FAM120A: variants seen among roughly 807,000 people sequenced by gnomAD.
The protein encoded by FAM120A is family with sequence similarity 120 member A, also known as constitutive coactivator of PPAR-gamma-like protein 1.
FAM120A carries 15 observed loss-of-function variants against 109.7 expected under a neutral mutation model. The ratio of observed to expected loss-of-function variants is 0.14; its 90% CI spans 0.09 to 0.21. The LOEUF (loss-of-function observed/expected upper bound fraction) is 0.21. Ranked by LOEUF, FAM120A falls within the 10% of genes least tolerant of loss-of-function variation. The pLI is 1.00. For synonymous variants in FAM120A, 493 were observed against 572.8 expected (o/e 0.86, Z 1.99); for missense variants, 899 against 1,439.3 (o/e 0.62, Z 6.07).
chr9:93,562,167 C>A, intron 16 of FAM120A, 41 bp from the exon 17 acceptor site: 1 of 1,456,612 alleles, frequency 6.9e-7, no homozygotes, highest in Non-Finnish European at 9.6e-7. Context: ...TTGTCTGTAA[C>A]AGATTTAAGT....
intron 7 of FAM120A, among the ~76,000 whole-genome samples, chr9:93,521,487 C>T (rs62574550): frequency 0.027 from 4,076 of 151,374 alleles, 157 homozygotes; most frequent in African/African-American, 0.083. Flanking sequence ...GTGGCTAAGA[C>T]GGAAGGATCA....
chr9:93,533,385 A>C (rs1436503116), intron 10 of FAM120A, among the ~76,000 whole-genome samples: 1 of 152,184 alleles, frequency 6.6e-6, no homozygotes, highest in Non-Finnish European at 1.5e-5. Flanking sequence ...TTCCTTGGTG[A>C]TAGTTGTCCT....
chr9:93,516,628 C>T (rs1331042906), intron 7 of FAM120A, among the ~76,000 whole-genome samples: 2 of 152,116 alleles, frequency 1.3e-5, no homozygotes, highest in Admixed American at 6.5e-5. Context: ...TGCCGACCCC[C>T]GAAACATTAA....
intron 10 of FAM120A, among the ~76,000 whole-genome samples, chr9:93,541,625 A>C (rs1308455749): frequency 1.3e-5 from 2 of 152,232 alleles, no homozygotes; most frequent in African/African-American, 4.8e-5. Flanking sequence ...TAACATCTAA[A>C]CACTAAGATA....
chr9:93,563,075 G>A lies in FAM120A; in HGVS notation c.3045+771G>A, dbSNP rs74625569. On this transcript the variant is annotated intron_variant, in intron 17 of 17. Transcript: ENST00000277165. ...TTAATATTTCTGAACTTTAGGGTTG[G>A]AAGGTAAAATAGAGGATGTTGTAGG... Among the ~76,000 whole-genome samples the A allele has an allele frequency of 6.7e-3, 1,016 of 152,318 alleles. 17 individuals are homozygous for A. The South Asian group carries it at 0.077, about 12-fold the overall frequency.
intron 3 of FAM120A, among the ~76,000 whole-genome samples, chr9:93,486,120 G>T (rs995609627): frequency 6.6e-6 from 1 of 151,982 alleles, no homozygotes; most frequent in African/African-American, 2.4e-5. Flanking sequence ...CTATAGGCGT[G>T]TACCACCACA....
chr9:93,469,157 C>T (rs149208300), intron 1 of FAM120A, among the ~76,000 whole-genome samples: 4 of 152,312 alleles, frequency 2.6e-5, no homozygotes, highest in East Asian at 1.9e-4. Flanking sequence ...TTGCTTCCAC[C>T]GTGGGCCAGC....
At chr9:93,537,652 C>T (rs1861564203) in intron 10 of FAM120A, among the ~76,000 whole-genome samples, 1 of 151,628 alleles carries the variant, frequency 6.6e-6, no homozygotes, top group African/African-American at 2.4e-5. Context: ...TTTAAACCAC[C>T]AAGAAAAGCC....
intron 3 of FAM120A, among the ~76,000 whole-genome samples, chr9:93,492,540 G>C (rs750196629): frequency 6.6e-6 from 1 of 152,096 alleles, no homozygotes; most frequent in Non-Finnish European, 1.5e-5. Context: ...TGCACACCAG[G>C]TCCTGACCCT....
intron 15 of FAM120A, among the ~76,000 whole-genome samples, chr9:93,559,503 C>T (rs977433454): frequency 6.6e-6 from 1 of 152,244 alleles, no homozygotes; most frequent in Admixed American, 6.5e-5. Context: ...AGCAAGGGAA[C>T]TGTGCGGAAA....
At position 93,529,469 on chromosome 9, in the gene FAM120A, G is replaced by T. The variant is rs770295074; in HGVS notation, c.1623G>T (p.Met541Ile). Reference protein sequence around the residue: ...CLLSMPTRNHMDITTPPLPPV... With the variant: ...CLLSMPTRNHIDITTPPLPPV... ...TGTCGATGCCCACCAGGAACCACAT[G>T]GACATCACCACACCTCCCCTGCCCC... Residue 541 changes from methionine (M) to isoleucine (I), a missense_variant, in exon 9 of 18, where the codon ATG becomes ATT. By Grantham distance (10) the Met-to-Ile change is conservative. This residue lies in a region of FAM120A where 133 missense variants were observed against 276.6 expected (regional missense o/e 0.48). Transcript: ENST00000277165. 1 of 1,614,186 alleles carries T rather than the reference G, an allele frequency of 6.2e-7. No individual in the cohort carries two copies. The highest frequency in any genetic ancestry group is 8.5e-7 in the Non-Finnish European group (1 of 1,180,028).
chr9:93,505,217 C>G (rs900511644), intron 5 of FAM120A, among the ~76,000 whole-genome samples: 2 of 151,922 alleles, frequency 1.3e-5, no homozygotes, highest in Non-Finnish European at 2.9e-5. Context: ...CTCGCCACCA[C>G]GCCTGGCTAA....
intron 7 of FAM120A, among the ~76,000 whole-genome samples, chr9:93,525,905 C>T (rs569298067): frequency 5.9e-5 from 9 of 152,236 alleles, no homozygotes; most frequent in Non-Finnish European, 1.0e-4. Context: ...CATGCAGTAT[C>T]CTTGGCTGGA....
chr9:93,532,526 G>A lies in FAM120A; in HGVS notation c.1909+197G>A. The A allele has an allele frequency of 1.7e-6, 1 of 593,024 alleles. No individual in the cohort carries two copies. Among genetic ancestry groups the A allele is most frequent in the African/African-American group, 1.9e-5 (1 of 53,836 alleles). 36.7% of individuals were successfully genotyped at this position (593,024 alleles called of 1,614,324 possible). A position where few individuals can be genotyped will look rare whatever the true frequency, so the allele number is the denominator to read the frequency against. ...GAGAAGCCACAGACTTTCTTCCTCA[G>A]TAACATTCCAATAATGATGTTTATT... On this transcript the variant is annotated intron_variant, in intron 10 of 17. Transcript: ENST00000277165. This position sits in a 1 kb window ranked among gnomAD's most constrained non-coding sequence, Gnocchi z 4.3.
At chr9:93,518,850 C>T (rs1860721682) in intron 7 of FAM120A, among the ~76,000 whole-genome samples, 1 of 152,208 alleles carries the variant, frequency 6.6e-6, no homozygotes, top group Admixed American at 6.5e-5. Flanking sequence ...CATCCCGTGG[C>T]CCACGGGCCG....
intron 3 of FAM120A, among the ~76,000 whole-genome samples, chr9:93,487,247 C>T (rs577933781): frequency 2.0e-5 from 3 of 152,204 alleles, no homozygotes; most frequent in East Asian, 1.9e-4. Flanking sequence ...CTGCAACCTC[C>T]GCTTTCTAGG....
In FAM120A at chr9:93,532,673, T is replaced by C. The variant is rs1861374041; in HGVS notation, c.1909+344T>C. On this transcript the variant is annotated intron_variant, in intron 10 of 17. Transcript: ENST00000277165. This position sits in a 1 kb window ranked among gnomAD's most constrained non-coding sequence, Gnocchi z 4.3. ...AATCAGGACGAGTGAGTTTCTGTGC[T>C]CTGGTTTTCATGAAGCACAGATCTG... The C allele has an allele frequency of 3.3e-6, 1 of 300,442 alleles. No homozygotes were observed. The highest frequency in any genetic ancestry group is 8.7e-5 in the East Asian group (1 of 11,538). The allele number at this position is 300,442 out of a possible 1,614,324, so 18.6% of individuals were successfully genotyped here.
chr9:93,468,100 T>C (rs1858133334), intron 1 of FAM120A, among the ~76,000 whole-genome samples: 1 of 152,130 alleles, frequency 6.6e-6, no homozygotes, highest in Admixed American at 6.5e-5. Context: ...GCCAGGCTAG[T>C]CTCACACTCC....
chr9:93,485,075 C>T (rs1479051994), intron 3 of FAM120A, among the ~76,000 whole-genome samples: 2 of 152,180 alleles, frequency 1.3e-5, no homozygotes, highest in Non-Finnish European at 1.5e-5. Flanking sequence ...CATGGTGACA[C>T]GTGTGAATTA....
Sources: allele counts gnomAD v4.1 joint callset (sites outside exome capture counted in the v4.1 genomes callset), GRCh38; gene constraint gnomAD v4.1.1; regional missense constraint gnomAD v4.1.1; non-coding constraint Gnocchi (gnomAD v3.1); transcripts MANE v1.5; gene names NCBI Gene and HGNC (gene_info 2026-07-23, HGNC 2026-07-21).